Variants in MCM3 observed in about 807,000 individuals in gnomAD.
The protein encoded by MCM3 is DNA replication licensing factor MCM3.
In MCM3, 59 loss-of-function variants were observed where a neutral mutation model predicts 91.3. The ratio of observed to expected loss-of-function variants is 0.65; its 90% CI spans 0.52 to 0.80. The LOEUF is 0.80. Ranked by LOEUF, MCM3 falls within the 30% of genes least tolerant of loss-of-function variation. MCM3 has a pLI of 0.00. For synonymous variants in MCM3, 383 were observed against 379.6 expected (o/e 1.01, Z -0.10); for missense variants, 919 against 1,035.4 (o/e 0.89, Z 1.54).
intron 8 of MCM3, 41 bp downstream of exon 8, chr6:52,277,026 G>GCT (rs1765632078): frequency 6.3e-7 from 1 of 1,592,958 alleles, no homozygotes; most frequent in Non-Finnish European, 8.6e-7. Flanking sequence ...CTATGCTCAG[G>GCT]CTCTCTGCTG....
At chr6:52,279,150 AC>A (rs1309012758) in intron 5 of MCM3, among the ~76,000 whole-genome samples, 2 of 152,176 alleles carry the variant, frequency 1.3e-5, no homozygotes, top group African/African-American at 4.8e-5. Flanking sequence ...AATCATTGTC[AC>A]CAATAACTCT....
At chr6:52,278,445 G>A (rs1324073328) in intron 6 of MCM3, among the ~76,000 whole-genome samples, 4 of 152,122 alleles carry the variant, frequency 2.6e-5, no homozygotes, top group African/African-American at 7.2e-5. Flanking sequence ...CATCACTAAC[G>A]CCTTCAGTAA....
intron 14 of MCM3, 23 bp from the exon 15 acceptor site, chr6:52,266,719 G>C (rs367739957): frequency 5.9e-5 from 94 of 1,589,210 alleles, no homozygotes; most frequent in Admixed American, 1.3e-4. Context: ...CAGCAGTTAA[G>C]AGAGAGAAAG....
chr6:52,276,687 C>A lies in MCM3; in HGVS notation c.1166-211G>T, dbSNP rs189358881. On this transcript the variant is annotated intron_variant, in intron 8 of 16. Coordinates refer to ENST00000596288, the MANE Select transcript of MCM3 (RefSeq NM_002388.6). ...ATAGTATCTCTTTGTCCCACTTTGA[C>A]CCCTAAGTAACTAGCTTCTCACAAA... Among the ~76,000 whole-genome samples the A allele has an allele frequency of 6.6e-5, 10 of 152,254 alleles. No homozygotes were observed. The East Asian group carries it at 1.9e-3, about 29-fold the overall frequency.
In MCM3 at chr6:52,277,690, T is replaced by C; in HGVS notation, c.880-2A>G. ...CTTGGCCAGCTGGTCAAAGATATCC[T>C]ACAGGAGAAATAACCAATGGCAAGC... On this transcript the variant is annotated splice_acceptor_variant, in intron 6 of 16. Transcript: ENST00000596288. LOFTEE classifies it high-confidence loss of function. 1 of 1,613,310 alleles carries C rather than the reference T, an allele frequency of 6.2e-7. No individual in the cohort carries two copies. Among genetic ancestry groups the C allele is most frequent in the Non-Finnish European group, 8.5e-7 (1 of 1,179,660 alleles).
Position 52,269,152 on chromosome 6 carries a change from G to C in MCM3, c.1902C>G (p.Ser634Arg). 1 of 1,614,084 alleles carries C rather than the reference G, an allele frequency of 6.2e-7. No individual in the cohort carries two copies. The highest frequency in any genetic ancestry group is 8.5e-7 in the Non-Finnish European group (1 of 1,179,918). ...CTGCATCCTGCAGGTCCACAGTCTT[G>C]CTCATGCGGGCCTTCGCATGGGCTG... ...LATAHAKARM[S>R]KTVDLQDAEE... The change falls in exon 13 of 17, where the codon AGC (serine) becomes AGG (arginine). Residue 634 changes from serine (S) to arginine (R), a missense_variant. Ser to Arg is a moderately radical substitution (Grantham distance 110). Around this residue, in one of 3 missense-constraint regions of MCM3, gnomAD observed 285 missense variants for 311.4 expected, o/e 0.92. Coordinates refer to ENST00000596288, the MANE Select transcript of MCM3 (RefSeq NM_002388.6).
chr6:52,264,744 T>C lies in MCM3; in HGVS notation c.2271A>G (p.Glu757=), dbSNP rs898283547. 6.2e-7 allele frequency: 1 copy of C among 1,614,138 alleles called. No homozygotes were observed. The highest frequency in any genetic ancestry group is 8.5e-7 in the Non-Finnish European group (1 of 1,180,038). The change falls in exon 17 of 17, where the codon GAA becomes GAG. Residue 757 remains glutamate (E), a synonymous_variant. Transcript: ENST00000596288. ...TCATGCCGATTGACTGCGCATGAGC[T>C]TCCCGGAACACATCCAAGAGGGCCA... ...FKVALLDVFR[E]AHAQSIGMNR... is the part of the protein sequence containing the mutation.
At position 52,269,109 on chromosome 6, in the gene MCM3, C is replaced by A; in HGVS notation, c.1945G>T (p.Val649Phe). 5.6e-6 allele frequency: 9 copies of A among 1,613,800 alleles called. No homozygotes were observed. Among genetic ancestry groups the A allele is most frequent in the Non-Finnish European group, 6.8e-6 (8 of 1,179,750 alleles). ...LQDAEEAVEL[V>F]QYAYFKKVLE... is the part of the protein sequence containing the mutation. Reference sequence around the variant, plus strand: ...ACCTTCTTAAAGTAAGCATACTGGACCAACTCCACAGCTTCCTCTGCATCC... The same window carrying A: ...ACCTTCTTAAAGTAAGCATACTGGAACAACTCCACAGCTTCCTCTGCATCC... Residue 649 changes from valine to phenylalanine, a missense_variant, in exon 13 of 17, where the codon GTC becomes TTC. Physicochemically the swap from Val to Phe is conservative, Grantham distance 50 (BLOSUM62 -1). Transcript: ENST00000596288.
intron 11 of MCM3, among the ~76,000 whole-genome samples, chr6:52,272,975 C>T (rs898884197): frequency 5.3e-5 from 8 of 152,230 alleles, no homozygotes; most frequent in Admixed American, 3.3e-4. Context: ...CACCCACCAT[C>T]AGGCGTATCA....
Position 52,264,423 on chromosome 6 carries a change from A to C in MCM3, c.*165T>G, listed in dbSNP as rs1764474941. On this transcript the variant is annotated 3_prime_UTR_variant, in exon 17 of 17. Coordinates refer to ENST00000596288, the MANE Select transcript of MCM3 (RefSeq NM_002388.6). ...ATGGCAGCTTTCATGACCCATTCCC[A>C]AAGGGTCCACCGAGTCCTGAACTCA... 5 of 693,714 alleles carry C rather than the reference A, an allele frequency of 7.2e-6. No individual in the cohort carries two copies. Among genetic ancestry groups the C allele is most frequent in the Non-Finnish European group, 1.2e-5 (5 of 416,416 alleles). 43.0% of individuals were successfully genotyped at this position (693,714 alleles called of 1,614,324 possible). A position where few individuals can be genotyped will look rare whatever the true frequency, so the allele number is the denominator to read the frequency against.
chr6:52,268,624 G>A (rs960482272), intron 13 of MCM3, among the ~76,000 whole-genome samples: 1 of 152,112 alleles, frequency 6.6e-6, no homozygotes, highest in Admixed American at 6.6e-5. Context: ...CAGAAATAGG[G>A]AAACAGGATG....
chr6:52,275,187 T>C (rs1765457606), intron 9 of MCM3, among the ~76,000 whole-genome samples: 1 of 152,242 alleles, frequency 6.6e-6, no homozygotes, highest in Admixed American at 6.5e-5. Context: ...TCAGAAACTC[T>C]GAACGGGGGA....
chr6:52,276,439 A>C lies in MCM3; in HGVS notation c.1203T>G (p.Ala401=). The C allele has an allele frequency of 1.2e-6, 2 of 1,614,258 alleles. No homozygotes were observed. The highest frequency in any genetic ancestry group is 2.7e-5 in the African/African-American group (2 of 75,070). Residue 401 remains alanine, a synonymous_variant, in exon 9 of 17, where the codon GCT becomes GCG. Transcript: ENST00000596288. The part of the protein sequence containing the change: ...RRLEAGAMVL[A]DRGVVCIDEF... ...CATCAATGCAAACCACGCCTCGGTC[A>C]GCCAGGACCATGGCCCCTGCTTCCA...
chr6:52,282,268 T>G, intron 3 of MCM3, 93 bp from the exon 4 acceptor site: 1 of 1,175,238 alleles, frequency 8.5e-7, no homozygotes, highest in Non-Finnish European at 1.2e-6. Context: ...TGACTCCAAA[T>G]ACTGTGTTTT....
chr6:52,276,716 C>T (rs1562388866), intron 8 of MCM3, among the ~76,000 whole-genome samples: 1 of 152,284 alleles, frequency 6.6e-6, no homozygotes. Context: ...TCACAAATTT[C>T]CTTCATAGAT....
At chr6:52,283,522 CCAG>C in intron 1 of MCM3, 116 bp from the exon 2 acceptor site, 1 of 742,460 alleles carries the variant, frequency 1.3e-6, no homozygotes, top group Non-Finnish European at 2.4e-6. Flanking sequence ...AGCTGAATCC[CCAG>C]TAAGTATGTG....
intron 12 of MCM3, among the ~76,000 whole-genome samples, chr6:52,271,149 G>A (rs1054299744): frequency 7.2e-5 from 11 of 151,876 alleles, no homozygotes; most frequent in Non-Finnish European, 1.3e-4. Flanking sequence ...CTGCACTCCA[G>A]CCTGGGTAAC....
Position 52,282,083 on chromosome 6 carries a change from G to C in MCM3, c.493C>G (p.Leu165Val), listed in dbSNP as rs143978388. Residue 165 changes from leucine to valine, a missense_variant, in exon 4 of 17, where the codon CTG becomes GTG. Transcript: ENST00000596288. ...IERRYSDLTT[L>V]VAFPSSSVYP... The stretch of plus-strand genomic sequence containing the variant: ...ACAGAGCTGGAGGGAAAGGCCACCA[G>C]GGTGGTGAGATCAGAATAACGTCGC... 4.3e-6 allele frequency: 7 copies of C among 1,613,946 alleles called. No individual in the cohort carries two copies. In the African/African-American group the frequency reaches 8.0e-5, roughly 18 times the overall value.
chr6:52,282,436 C>T (rs1766186382), intron 3 of MCM3, among the ~76,000 whole-genome samples: 1 of 152,158 alleles, frequency 6.6e-6, no homozygotes, highest in South Asian at 2.1e-4. Flanking sequence ...GGAACCAAGA[C>T]TCCTCCAGCT....
Sources: allele counts gnomAD v4.1 joint callset (sites outside exome capture counted in the v4.1 genomes callset), GRCh38; gene constraint gnomAD v4.1.1; regional missense constraint gnomAD v4.1.1; transcripts MANE v1.5; gene names NCBI Gene and HGNC (gene_info 2026-07-23, HGNC 2026-07-21).